Variants in USP34 observed in about 807,000 individuals in gnomAD.
The protein encoded by USP34 is ubiquitin specific peptidase 34, also known as ubiquitin carboxyl-terminal hydrolase 34.
USP34 carries 70 observed loss-of-function variants against 460.3 expected under a neutral mutation model. The observed-to-expected ratio is 0.15, with a 90% CI of 0.13 to 0.19. The LOEUF (loss-of-function observed/expected upper bound fraction) is 0.19, where lower values mean the gene tolerates loss of function less well. USP34 is among the 10% of genes least tolerant of loss of function. The probability of loss-of-function intolerance (pLI) is 1.00; values close to 1 mark genes in which losing one functional copy is unlikely to be tolerated. For missense variants in USP34, 3,985 were observed against 4,236.2 expected (o/e 0.94, Z 1.65); for synonymous variants, 1,647 against 1,405.3 (o/e 1.17, Z -3.85).
At position 61,228,535 on chromosome 2, in the gene USP34, C is replaced by T. The variant is rs180941347; in HGVS notation, c.7443+110G>A. ...CTTAGACCCTTCATATTATCTAACA[C>T]CAGGTTCCAGAAGGGACTTTAAAGG... On this transcript the variant is annotated intron_variant, in intron 61 of 79. Coordinates refer to ENST00000398571, the MANE Select transcript of USP34 (RefSeq NM_014709.4). The T allele has an allele frequency of 2.8e-3, 2,387 of 852,986 alleles. 8 individuals are homozygous for T. Among genetic ancestry groups the T allele is most frequent in the Non-Finnish European group, 3.8e-3 (2,153 of 561,468 alleles). The allele number at this position is 852,986 out of a possible 1,614,324, so 52.8% of individuals were successfully genotyped here. A position where few individuals can be genotyped will look rare whatever the true frequency, so the allele number is the denominator to read the frequency against.
chr2:61,192,168 T>C (rs942623998), intron 76 of USP34, among the ~76,000 whole-genome samples: 1 of 152,200 alleles, frequency 6.6e-6, no homozygotes, highest in Non-Finnish European at 1.5e-5. Context: ...GGGTTGCACC[T>C]AAGGAAGGTG....
intron 5 of USP34, among the ~76,000 whole-genome samples, chr2:61,390,173 T>A (rs976376752): frequency 2.0e-5 from 3 of 152,224 alleles, no homozygotes; most frequent in Admixed American, 6.5e-5. Context: ...GTTCTTTTTA[T>A]TAATCCTCAT....
chr2:61,454,048 T>A (rs1017140103), intron 1 of USP34, among the ~76,000 whole-genome samples: 2 of 152,172 alleles, frequency 1.3e-5, no homozygotes, highest in Admixed American at 6.6e-5. Context: ...TAGATTTATA[T>A]AAACCAAAAT....
At chr2:61,349,337 T>C in intron 12 of USP34, 52 bp from the exon 13 acceptor site, 1 of 1,567,522 alleles carries the variant, frequency 6.4e-7, no homozygotes, top group Non-Finnish European at 8.7e-7. Flanking sequence ...ACTCAGCTTC[T>C]TTGAGACAGC....
chr2:61,430,214 CAA>C (rs1232126412), intron 1 of USP34, among the ~76,000 whole-genome samples: 6 of 78,104 alleles, frequency 7.7e-5, no homozygotes, highest in Non-Finnish European at 1.1e-4. Flanking sequence ...GTCTTCGTCA[CAA>C]AAAAAAAAAA....
In USP34 at chr2:61,218,491, T is replaced by C. The variant is rs77977031; in HGVS notation, c.8047+1819A>G. Among the ~76,000 whole-genome samples the C allele has an allele frequency of 1.8e-3, 278 of 152,180 alleles. 5 individuals are homozygous for C. In the East Asian group the frequency reaches 0.046, roughly 25 times the overall value. The stretch of plus-strand genomic sequence containing the variant: ...AGTTAACACTATTATGATGGTACAT[T>C]TGTTGTGACTAAGGAAGCAACACAG... On this transcript the variant is annotated intron_variant, in intron 67 of 79. Coordinates refer to ENST00000398571, the MANE Select transcript of USP34 (RefSeq NM_014709.4).
At chr2:61,206,722 TAGCACGAACA>T in intron 71 of USP34, 28 bp downstream of exon 71, 1 of 1,605,638 alleles carries the variant, frequency 6.2e-7, no homozygotes, top group East Asian at 2.2e-5. Flanking sequence ...TCTTTACTAG[TAGCACGAACA>T]AAACATAAGA....
At chr2:61,340,616 C>T (rs975179568) in intron 16 of USP34, among the ~76,000 whole-genome samples, 8 of 152,090 alleles carry the variant, frequency 5.3e-5, no homozygotes, top group Admixed American at 4.6e-4. Flanking sequence ...ATTTCACATA[C>T]CTATTAAGGT....
At chr2:61,286,396 C>A (rs1039924645) in intron 34 of USP34, among the ~76,000 whole-genome samples, 17 of 152,074 alleles carry the variant, frequency 1.1e-4, no homozygotes, top group African/African-American at 4.1e-4. Context: ...TGGCTCACAC[C>A]TATAATCCCA....
At chr2:61,341,732 A>G (rs1038470434) in intron 16 of USP34, among the ~76,000 whole-genome samples, 6 of 151,480 alleles carry the variant, frequency 4.0e-5, no homozygotes, top group African/African-American at 9.7e-5. Context: ...TTTTGTTTAT[A>G]AACTACCCAG....
At chr2:61,276,315 C>T (rs1427776707) in intron 41 of USP34, among the ~76,000 whole-genome samples, 1 of 150,748 alleles carries the variant, frequency 6.6e-6, no homozygotes, top group African/African-American at 2.4e-5. Context: ...TGCAAAGATG[C>T]TGCCTTTACA....
intron 1 of USP34, among the ~76,000 whole-genome samples, chr2:61,432,571 G>C (rs1694708667): frequency 6.6e-6 from 1 of 152,032 alleles, no homozygotes; most frequent in Non-Finnish European, 1.5e-5. Context: ...TTGAGCTCAA[G>C]AGTTCTAGGC....
chr2:61,212,341 C>T (rs532690919), intron 68 of USP34, among the ~76,000 whole-genome samples: 1 of 152,304 alleles, frequency 6.6e-6, no homozygotes, highest in South Asian at 2.1e-4. Flanking sequence ...TAAAGCACTA[C>T]TTTTGTAACT....
intron 3 of USP34, among the ~76,000 whole-genome samples, chr2:61,401,863 TTATAATCTTTTTCCCTATAC>T (rs1456186551): frequency 1.3e-5 from 2 of 151,614 alleles, no homozygotes; most frequent in East Asian, 3.9e-4. Flanking sequence ...CGGCCCATTT[TTATAATCTTTTTCCCTATAC>T]TTAGAAAAAA....
intron 10 of USP34, among the ~76,000 whole-genome samples, chr2:61,361,507 T>C (rs2694651): frequency 0.34 from 51,262 of 151,978 alleles, 8,733 homozygotes; most frequent in South Asian, 0.38. Flanking sequence ...AACAAATCCA[T>C]GCATCTACAA....
In USP34 at chr2:61,295,068, G is replaced by A. The variant is rs141878213; in HGVS notation, c.4378-36C>T. On this transcript the variant is annotated intron_variant, in intron 31 of 79. Transcript: ENST00000398571. ...GGCAAAAAAAGTAAGGCAGAATGGC[G>A]GAAGAAAGAATTATTATAGAATGGA... is the stretch of plus-strand genomic sequence containing the variant. 263 of 1,602,396 alleles carry A rather than the reference G, an allele frequency of 1.6e-4. 1 individual carries two copies. In the African/African-American group the frequency reaches 2.8e-3, roughly 17 times the overall value.
chr2:61,449,312 CTAAA>C (rs1360110365), intron 1 of USP34, among the ~76,000 whole-genome samples: 1 of 150,698 alleles, frequency 6.6e-6, no homozygotes, highest in Non-Finnish European at 1.5e-5. Context: ...TATAGACAAC[CTAAA>C]TAAATAGAAA....
At chr2:61,443,992 C>G (rs1353067222) in intron 1 of USP34, among the ~76,000 whole-genome samples, 2 of 152,148 alleles carry the variant, frequency 1.3e-5, no homozygotes, top group Non-Finnish European at 2.9e-5. Flanking sequence ...TAATGCTGAC[C>G]AGGCAAGGTG....
intron 1 of USP34, among the ~76,000 whole-genome samples, chr2:61,439,611 T>G (rs1694909413): frequency 6.6e-6 from 1 of 152,172 alleles, no homozygotes; most frequent in African/African-American, 2.4e-5. Context: ...TTAGGATATC[T>G]GACGGGGACT....
Sources: allele counts gnomAD v4.1 joint callset (sites outside exome capture counted in the v4.1 genomes callset), GRCh38; gene constraint gnomAD v4.1.1; transcripts MANE v1.5; gene names NCBI Gene and HGNC (gene_info 2026-07-23, HGNC 2026-07-21).